The following THRB variants were observed in gnomAD, a reference collection of about 807,000 sequenced individuals.
THRB encodes the protein thyroid hormone receptor beta.
A neutral mutation model predicts 47.8 loss-of-function variants in THRB; 12 were observed. That is an observed-to-expected ratio of 0.25 (90% CI 0.16 to 0.41). The LOEUF (loss-of-function observed/expected upper bound fraction) is 0.41, where lower values mean the gene tolerates loss of function less well. THRB is among the 10% of genes least tolerant of loss of function. THRB has a pLI of 1.00. For missense variants in THRB, 348 were observed against 589.2 expected (o/e 0.59, Z 4.24); for synonymous variants, 218 against 212.2 (o/e 1.03, Z -0.24).
intron 4 of THRB, among the ~76,000 whole-genome samples, chr3:24,200,976 A>C (rs2044523048): frequency 6.6e-6 from 1 of 152,126 alleles, no homozygotes; most frequent in Non-Finnish European, 1.5e-5. Context: ...ATGCTCCCCT[A>C]GGAGGGTCTA....
intron 1 of THRB, among the ~76,000 whole-genome samples, chr3:24,399,955 C>T (rs1253297656): frequency 1.3e-5 from 2 of 152,138 alleles, no homozygotes; most frequent in Non-Finnish European, 2.9e-5. Context: ...TCTCTCAACT[C>T]TTCTGCTCAA....
intron 5 of THRB, among the ~76,000 whole-genome samples, chr3:24,172,169 CTAG>C (rs1243704245): frequency 6.6e-6 from 1 of 152,060 alleles, no homozygotes; most frequent in Non-Finnish European, 1.5e-5. Context: ...TTTGAAAAAC[CTAG>C]TCATCTGCTC....
intron 4 of THRB, among the ~76,000 whole-genome samples, chr3:24,217,131 T>A (rs1302339870): frequency 6.7e-6 from 1 of 150,260 alleles, no homozygotes; most frequent in Non-Finnish European, 1.5e-5. Flanking sequence ...AATATAAGAA[T>A]GTAATCCTAC....
intron 1 of THRB, among the ~76,000 whole-genome samples, chr3:24,399,448 T>A (rs1405064848): frequency 5.9e-5 from 9 of 151,966 alleles, no homozygotes; most frequent in Admixed American, 5.9e-4. Flanking sequence ...AAAATGAAAA[T>A]TCAGGGCCCT....
intron 8 of THRB, among the ~76,000 whole-genome samples, chr3:24,140,629 C>T (rs2035312035): frequency 6.6e-6 from 1 of 152,132 alleles, no homozygotes; most frequent in Admixed American, 6.6e-5. Flanking sequence ...TGGCTTCCCT[C>T]CCCCAAGGTA....
chr3:24,472,697 T>C (rs1020945359), intron 1 of THRB, among the ~76,000 whole-genome samples: 3 of 152,186 alleles, frequency 2.0e-5, no homozygotes, highest in African/African-American at 7.2e-5. Flanking sequence ...AGGTAAGTAA[T>C]TGTGAGCTTC....
intron 4 of THRB, among the ~76,000 whole-genome samples, chr3:24,191,742 A>G (rs868590037): frequency 1.1e-3 from 170 of 152,350 alleles, no homozygotes; most frequent in African/African-American, 3.9e-3. Flanking sequence ...GGGTTTTCAT[A>G]TTACTATGAG....
At chr3:24,238,273 GT>G (rs2049086947) in intron 3 of THRB, among the ~76,000 whole-genome samples, 11 of 33,318 alleles carry the variant, frequency 3.3e-4, no homozygotes, top group Admixed American at 4.5e-4. Context: ...ATGTGTGTGT[GT>G]GTGTGGGGGG....
intron 2 of THRB, among the ~76,000 whole-genome samples, chr3:24,326,756 CTTTTTTTTTTT>C (rs1174687260): frequency 1.6e-4 from 8 of 50,002 alleles, no homozygotes; most frequent in Non-Finnish European, 1.7e-4. Context: ...CCAGTCTTGT[CTTTTTTTTTTT>C]TTTTTTTTTT....
chr3:24,134,849 G>A (rs960831621), intron 8 of THRB, among the ~76,000 whole-genome samples: 1 of 152,158 alleles, frequency 6.6e-6, no homozygotes, highest in Admixed American at 6.5e-5. Flanking sequence ...GCTTGGAGAT[G>A]GGGGTAGGAA....
intron 3 of THRB, among the ~76,000 whole-genome samples, chr3:24,229,836 G>T (rs1348055378): frequency 6.6e-6 from 1 of 152,200 alleles, no homozygotes; most frequent in African/African-American, 2.4e-5. Context: ...TAGCATTTTG[G>T]CTTAGGAATA....
At chr3:24,176,442 A>G (rs982412131) in intron 5 of THRB, among the ~76,000 whole-genome samples, 1 of 152,198 alleles carries the variant, frequency 6.6e-6, no homozygotes, top group African/African-American at 2.4e-5. Flanking sequence ...AATAATAGGA[A>G]TAATGAATGA....
At chr3:24,406,063 A>T (rs1435079645) in intron 1 of THRB, among the ~76,000 whole-genome samples, 1 of 151,652 alleles carries the variant, frequency 6.6e-6, no homozygotes, top group Non-Finnish European at 1.5e-5. Flanking sequence ...ATACTATATT[A>T]AATGCTTGAC....
At chr3:24,446,742 T>G (rs1204851605) in intron 1 of THRB, among the ~76,000 whole-genome samples, 3 of 152,128 alleles carry the variant, frequency 2.0e-5, no homozygotes, top group Non-Finnish European at 4.4e-5. Context: ...TCTCTATGGT[T>G]CTGGGAAATA....
rs560989280 is a variant in THRB, at chr3:24,120,205, C to G, written c.*2679G>C. On this transcript the variant is annotated 3_prime_UTR_variant, in exon 11 of 11. Transcript: ENST00000646209. ...GTCATTATCTTTTGAGTCCTATGGC[C>G]TTTCCTTTCAACCTGAAGGTGGGCT... 1.3e-5 allele frequency: 2 copies of G among 149,282 alleles called. No individual in the cohort carries two copies. Among genetic ancestry groups the G allele is most frequent in the South Asian group, 4.3e-4 (2 of 4,612 alleles). The allele number at this position is 149,282 out of a possible 1,614,324, so 9.2% of individuals were successfully genotyped here. A position where few individuals can be genotyped will look rare whatever the true frequency, so the allele number is the denominator to read the frequency against.
intron 1 of THRB, among the ~76,000 whole-genome samples, chr3:24,473,547 T>C (rs1695002282): frequency 6.6e-6 from 1 of 152,240 alleles, no homozygotes; most frequent in Non-Finnish European, 1.5e-5. Flanking sequence ...CTCAAGGATC[T>C]AGAACCAGAA....
chr3:24,238,727 C>T (rs1039672872), intron 3 of THRB, among the ~76,000 whole-genome samples: 5 of 152,050 alleles, frequency 3.3e-5, no homozygotes, highest in African/African-American at 1.2e-4. Flanking sequence ...AGATTTTTAA[C>T]CCTGGGATAA....
At chr3:24,453,992 C>G (rs2072926921) in intron 1 of THRB, among the ~76,000 whole-genome samples, 8 of 152,052 alleles carry the variant, frequency 5.3e-5, no homozygotes. Context: ...ATCTTAGCAC[C>G]CGCTCTCTAC....
intron 3 of THRB, among the ~76,000 whole-genome samples, chr3:24,273,377 T>C (rs2053556493): frequency 6.6e-6 from 1 of 152,168 alleles, no homozygotes; most frequent in Admixed American, 6.5e-5. Context: ...TTTGGAAATC[T>C]CTCCAATAAG....
Sources: allele counts gnomAD v4.1 joint callset (sites outside exome capture counted in the v4.1 genomes callset), GRCh38; gene constraint gnomAD v4.1.1; transcripts MANE v1.5; gene names NCBI Gene and HGNC (gene_info 2026-07-23, HGNC 2026-07-21).